JADE2: variants seen among roughly 807,000 people sequenced by gnomAD.
JADE2 encodes the protein jade family PHD finger 2, also known as E3 ubiquitin-protein ligase Jade-2.
A neutral mutation model predicts 85.7 loss-of-function variants in JADE2; 13 were observed. The observed-to-expected ratio is 0.15, with a 90% CI of 0.10 to 0.24. The LOEUF (loss-of-function observed/expected upper bound fraction) is 0.24, where lower values mean the gene tolerates loss of function less well. Ranked by LOEUF, JADE2 falls within the 10% of genes least tolerant of loss-of-function variation. JADE2 has a pLI of 1.00. For missense variants in JADE2, 846 were observed against 1,115.9 expected, an observed-to-expected ratio of 0.76 and a Z score of 3.45; for synonymous variants, 440 against 456.1, an observed-to-expected ratio of 0.96 and a Z score of 0.45.
At chr5:134,527,197 A>ACCTCCTTCCTCCCTCT (rs1174464541) in intron 1 of JADE2, among the ~76,000 whole-genome samples, 1 of 106,862 alleles carries the variant, frequency 9.4e-6, no homozygotes, top group Non-Finnish European at 1.8e-5. Flanking sequence ...TCCCGGCCTC[A>ACCTCCTTCCTCCCTCT]CCTCCTTCCT....
chr5:134,566,065 C>T lies in JADE2; in HGVS notation c.970-51C>T, dbSNP rs539230823. ...TGGGGGAAGCCCCTCTGTCTTCTCCCCTCCCACCAGGCTCCCTCCATGTCT... is the reference window on the plus strand; with the variant it reads ...TGGGGGAAGCCCCTCTGTCTTCTCCTCTCCCACCAGGCTCCCTCCATGTCT... On this transcript the variant is annotated intron_variant, in intron 8 of 11. Transcript: ENST00000681547. This position sits in a 1 kb window ranked among gnomAD's most constrained non-coding sequence, Gnocchi z 6.7. 1 of 1,502,988 alleles carries T rather than the reference C, an allele frequency of 6.7e-7. No homozygotes were observed. The highest frequency in any genetic ancestry group is 9.1e-7 in the Non-Finnish European group (1 of 1,093,212). The allele number at this position is 1,502,988 out of a possible 1,614,324, so 93.1% of individuals were successfully genotyped here.
At chr5:134,561,505 G>A (rs1215063951) in intron 6 of JADE2, among the ~76,000 whole-genome samples, 1 of 152,028 alleles carries the variant, frequency 6.6e-6, no homozygotes, top group Admixed American at 6.6e-5. Flanking sequence ...TGCCAGTGCA[G>A]CCTGGCCAGG....
Position 134,525,841 on chromosome 5 carries a change from A to ACGCCGCGGGCCCGGCCGCCTCCCT in JADE2, c.-163_-140dup. On this transcript the variant is annotated 5_prime_UTR_variant, in exon 1 of 12. Transcript: ENST00000681547. ...CCCGGCGGGGGGCGTGGGGCCTGGG[A>ACGCCGCGGGCCCGGCCGCCTCCCT]CGCCGCGGGCCCGGCCGCCTCCCTC... The ACGCCGCGGGCCCGGCCGCCTCCCT allele has an allele frequency of 1.0e-6, 1 of 998,052 alleles. No homozygotes were observed. Among genetic ancestry groups the ACGCCGCGGGCCCGGCCGCCTCCCT allele is most frequent in the Middle Eastern group, 2.9e-4 (1 of 3,396 alleles). The allele number at this position is 998,052 out of a possible 1,614,324, so 61.8% of individuals were successfully genotyped here.
At position 134,537,977 on chromosome 5, in the gene JADE2, C is replaced by T; in HGVS notation, c.59-12C>T. ...CCTCCAGGACCCCTAATGGACTGTT[C>T]TCTCTCTGCAGGTCATGCGACATCT... is the stretch of plus-strand genomic sequence containing the variant. On this transcript the variant is annotated splice_polypyrimidine_tract_variant and intron_variant, in intron 2 of 11. Coordinates refer to ENST00000681547, the MANE Select transcript of JADE2 (RefSeq NM_001388185.1). The T allele has an allele frequency of 6.2e-7, 1 of 1,610,316 alleles. No individual in the cohort carries two copies. The highest frequency in any genetic ancestry group is 2.2e-5 in the East Asian group (1 of 44,838).
intron 3 of JADE2, among the ~76,000 whole-genome samples, chr5:134,548,665 G>A (rs1173837215): frequency 1.3e-5 from 2 of 152,056 alleles, no homozygotes; most frequent in Non-Finnish European, 2.9e-5. Flanking sequence ...CTCCCTAACT[G>A]TAGTGGGAAG....
At chr5:134,573,581 C>T (rs1764174371) in intron 9 of JADE2, 64 bp from the exon 10 acceptor site, 1 of 1,161,654 alleles carries the variant, frequency 8.6e-7, no homozygotes. Flanking sequence ...GCAAGGTCCC[C>T]AGAGCTGGGA....
rs771026777 is a variant in JADE2 at position 134,566,425 on chromosome 5, A to G, written c.1279A>G (p.Ile427Val). 2.2e-5 allele frequency: 35 copies of G among 1,613,824 alleles called. No individual in the cohort carries two copies. Among genetic ancestry groups the G allele is most frequent in the Non-Finnish European group, 2.7e-5 (32 of 1,179,966 alleles). The change falls in exon 9 of 12, where the codon ATC becomes GTC. Residue 427 changes from isoleucine to valine, a missense_variant. Around this residue, in one of 9 missense-constraint regions of JADE2, gnomAD observed 88 missense variants for 140.6 expected, o/e 0.63. Transcript: ENST00000681547. The surrounding 1 kb of genome is among the most constrained non-coding windows in gnomAD (Gnocchi z 6.7). Reference protein sequence around the residue: ...LDLAEALVDFIYQYWKLKRKA... With the variant: ...LDLAEALVDFVYQYWKLKRKA... ...CCTGGCTGAGGCACTGGTCGACTTC[A>G]TCTACCAGTACTGGAAGCTGAAGAG...
chr5:134,578,595 C>T lies in JADE2; in HGVS notation c.1783C>T (p.Pro595Ser). 2 of 1,614,182 alleles carry T rather than the reference C, an allele frequency of 1.2e-6. No homozygotes were observed. Among genetic ancestry groups the T allele is most frequent in the Non-Finnish European group, 1.7e-6 (2 of 1,180,030 alleles). ...TAENMAMSEWPLNNGHREDPA... is the reference protein window; with the variant it reads ...TAENMAMSEWSLNNGHREDPA... ...AGAGAACATGGCCATGAGCGAGTGG[C>T]CACTGAACAATGGGCACCGCGAGGA... Residue 595 changes from proline (P) to serine (S), a missense_variant, in exon 12 of 12, where the codon CCA becomes TCA. Physicochemically the swap from Pro to Ser is moderately conservative, Grantham distance 74. This residue lies in a region of JADE2 where 119 missense variants were observed against 163.9 expected (regional missense o/e 0.73). Transcript: ENST00000681547. The surrounding 1 kb of genome is among the most constrained non-coding windows in gnomAD (Gnocchi z 4.4).
rs982083089 is a variant in JADE2 at position 134,549,357 on chromosome 5, T to G, written c.154-2695T>G. On this transcript the variant is annotated intron_variant, in intron 3 of 11. Transcript: ENST00000681547. ...TGGCCAACATGGTGAAACCCTGTCTTTATTAAAAATATAAAAACTAGGCCA... is the reference window on the plus strand; with the variant it reads ...TGGCCAACATGGTGAAACCCTGTCTGTATTAAAAATATAAAAACTAGGCCA... Among the ~76,000 whole-genome samples the G allele has an allele frequency of 2.0e-5, 3 of 152,046 alleles. No individual in the cohort carries two copies. In the East Asian group the frequency reaches 5.8e-4, roughly 29 times the overall value.
At chr5:134,541,168 C>T (rs1314483920) in intron 3 of JADE2, among the ~76,000 whole-genome samples, 9 of 152,236 alleles carry the variant, frequency 5.9e-5, no homozygotes, top group Admixed American at 2.6e-4. Context: ...AAGTCCTCCC[C>T]GCCCAGAACC....
intron 1 of JADE2, among the ~76,000 whole-genome samples, chr5:134,533,077 G>A (rs1761353807): frequency 6.6e-6 from 1 of 152,202 alleles, no homozygotes; most frequent in South Asian, 2.1e-4. Context: ...GGTGCGGGGT[G>A]TAGGTCTGCA....
At position 134,566,632 on chromosome 5, in the gene JADE2, T is replaced by G. The variant is rs1763661003; in HGVS notation, c.1434+52T>G. On this transcript the variant is annotated intron_variant, in intron 9 of 11. Coordinates refer to ENST00000681547, the MANE Select transcript of JADE2 (RefSeq NM_001388185.1). This position sits in a 1 kb window ranked among gnomAD's most constrained non-coding sequence, Gnocchi z 6.7. ...CCCTGCCTGGTGGGTCCAGGAGTCC[T>G]TTCCATGCCACACTCACTGCCCTGG... The G allele has an allele frequency of 1.5e-6, 2 of 1,322,530 alleles. No individual in the cohort carries two copies. Among genetic ancestry groups the G allele is most frequent in the African/African-American group, 2.9e-5 (2 of 68,272 alleles). The allele number at this position is 1,322,530 out of a possible 1,614,324, so 81.9% of individuals were successfully genotyped here.
chr5:134,582,320 G>A lies in JADE2; in HGVS notation c.*3003G>A. 6.6e-6 allele frequency: 1 copy of A among 152,224 alleles called. No individual in the cohort carries two copies. The highest frequency in any genetic ancestry group is 6.5e-5 in the Admixed American group (1 of 15,280). 9.4% of individuals were successfully genotyped at this position (152,224 alleles called of 1,614,324 possible). On this transcript the variant is annotated 3_prime_UTR_variant, in exon 12 of 12. Transcript: ENST00000681547. ...CAATGTAAGGGCCTCAGCTTCCTTGGAGAAGCCACCCCAGGTTTCCAGACA... is the reference window on the plus strand; with the variant it reads ...CAATGTAAGGGCCTCAGCTTCCTTGAAGAAGCCACCCCAGGTTTCCAGACA...
intron 3 of JADE2, among the ~76,000 whole-genome samples, chr5:134,538,966 C>T (rs1761774815): frequency 6.6e-6 from 1 of 151,694 alleles, no homozygotes; most frequent in Non-Finnish European, 1.5e-5. Context: ...AAATGCCTCT[C>T]CTGCCTCAGC....
chr5:134,540,725 T>G (rs1481431654), intron 3 of JADE2, among the ~76,000 whole-genome samples: 1 of 152,122 alleles, frequency 6.6e-6, no homozygotes, highest in Non-Finnish European at 1.5e-5. Context: ...TGAAGTGGGA[T>G]GGGGAGTTTT....
chr5:134,544,476 A>T (rs928839248), intron 3 of JADE2: 2 of 166,738 alleles, frequency 1.2e-5, no homozygotes, highest in Non-Finnish European at 2.9e-5. Context: ...GGAGTTGATG[A>T]TCTGTAGATG....
At chr5:134,538,138 G>T (rs1331382526) in intron 3 of JADE2, 55 bp downstream of exon 3, 3 of 1,379,188 alleles carry the variant, frequency 2.2e-6, no homozygotes, top group Non-Finnish European at 3.1e-6. Flanking sequence ...GAGCTGCCCT[G>T]CGGAGACTGG....
intron 3 of JADE2, among the ~76,000 whole-genome samples, chr5:134,545,225 T>A (rs923702163): frequency 3.9e-5 from 6 of 152,290 alleles, no homozygotes; most frequent in South Asian, 2.1e-4. Context: ...AGACTCACAC[T>A]GCCTTTCTCT....
chr5:134,530,600 A>C (rs1013242481), intron 1 of JADE2, among the ~76,000 whole-genome samples: 2 of 152,156 alleles, frequency 1.3e-5, no homozygotes, highest in South Asian at 4.1e-4. Context: ...TTATTTGCAG[A>C]GAGGTCTTTA....
Sources: allele counts gnomAD v4.1 joint callset (sites outside exome capture counted in the v4.1 genomes callset), GRCh38; gene constraint gnomAD v4.1.1; regional missense constraint gnomAD v4.1.1; non-coding constraint Gnocchi (gnomAD v3.1); transcripts MANE v1.5; gene names NCBI Gene and HGNC (gene_info 2026-07-23, HGNC 2026-07-21).